The following PTPRD variants were observed in gnomAD, a reference collection of about 807,000 sequenced individuals.
PTPRD encodes the protein receptor-type tyrosine-protein phosphatase delta.
PTPRD carries 34 observed loss-of-function variants against 214.5 expected under a neutral mutation model. That is an observed-to-expected ratio of 0.16 (90% CI 0.12 to 0.21). The LOEUF (loss-of-function observed/expected upper bound fraction) is 0.21. Among genes scored for constraint, PTPRD ranks in the 10% least tolerant of loss-of-function variants. The pLI is 1.00. For synonymous variants in PTPRD, 1,128 were observed against 845.7 expected (o/e 1.33, Z -5.79); for missense variants, 2,545 against 2,398.7 (o/e 1.06, Z -1.27).
chr9:9,272,008 G>A (rs1001090717), intron 9 of PTPRD, among the ~76,000 whole-genome samples: 1 of 151,160 alleles, frequency 6.6e-6, no homozygotes, highest in African/African-American at 2.4e-5. Flanking sequence ...GACAGAAGCA[G>A]GTTAGCATAG....
intron 4 of PTPRD, among the ~76,000 whole-genome samples, chr9:9,988,440 C>G (rs2154075741): frequency 6.6e-6 from 1 of 152,232 alleles, no homozygotes; most frequent in Middle Eastern, 3.4e-3. Flanking sequence ...GCAGCTCAAA[C>G]TGATTTCCTT....
intron 3 of PTPRD, among the ~76,000 whole-genome samples, chr9:10,182,693 T>C (rs1343008776): frequency 6.6e-6 from 1 of 152,122 alleles, no homozygotes; most frequent in East Asian, 1.9e-4. Flanking sequence ...TAAACAGTAG[T>C]TTGGCAAAAA....
intron 21 of PTPRD, among the ~76,000 whole-genome samples, chr9:8,507,711 A>C (rs1404588026): frequency 6.6e-6 from 1 of 152,192 alleles, no homozygotes; most frequent in Non-Finnish European, 1.5e-5. Flanking sequence ...TTAAGGAAAA[A>C]ATTCTTTACT....
chr9:9,167,397 A>C (rs187720483), intron 10 of PTPRD, among the ~76,000 whole-genome samples: 1 of 151,788 alleles, frequency 6.6e-6, no homozygotes, highest in Admixed American at 6.6e-5. Flanking sequence ...AATAAGCAGC[A>C]CAGCCAACTT....
intron 5 of PTPRD, among the ~76,000 whole-genome samples, chr9:9,912,255 C>T (rs970172966): frequency 2.0e-5 from 3 of 151,958 alleles, no homozygotes; most frequent in African/African-American, 7.2e-5. Context: ...GAAAACCTGC[C>T]ACTTCAGTTG....
chr9:9,792,381 C>A (rs2153476042), intron 5 of PTPRD, among the ~76,000 whole-genome samples: 1 of 152,256 alleles, frequency 6.6e-6, no homozygotes, highest in African/African-American at 2.4e-5. Flanking sequence ...GCGAGAGTTT[C>A]ATCTATCTTT....
intron 11 of PTPRD, among the ~76,000 whole-genome samples, chr9:8,815,107 A>AT (rs2096893754): frequency 6.5e-5 from 9 of 139,006 alleles, no homozygotes; most frequent in Admixed American, 3.4e-4. Context: ...TATATAATTT[A>AT]GTTTTTTTTT....
At chr9:10,241,945 T>C (rs371153428) in intron 3 of PTPRD, among the ~76,000 whole-genome samples, 2 of 151,960 alleles carry the variant, frequency 1.3e-5, no homozygotes, top group African/African-American at 4.8e-5. Flanking sequence ...ACCAAAGCTA[T>C]ATTTCTTATT....
chr9:9,288,228 T>C (rs1339743236), intron 9 of PTPRD, among the ~76,000 whole-genome samples: 10 of 151,894 alleles, frequency 6.6e-5, no homozygotes, highest in Non-Finnish European at 1.5e-4. Flanking sequence ...AATTTTGTTG[T>C]CGGAGGTGAT....
At chr9:9,762,145 T>C (rs938099253) in intron 6 of PTPRD, among the ~76,000 whole-genome samples, 5 of 152,214 alleles carry the variant, frequency 3.3e-5, no homozygotes, top group African/African-American at 1.2e-4. Context: ...ACAGAGGTTG[T>C]CTGACCTGTT....
intron 3 of PTPRD, among the ~76,000 whole-genome samples, chr9:10,205,929 TG>T (rs577133306): frequency 2.7e-4 from 41 of 151,984 alleles, no homozygotes; most frequent in Non-Finnish European, 3.4e-4. Flanking sequence ...TCTTAAGCAC[TG>T]GGAAAGCAAA....
intron 2 of PTPRD, among the ~76,000 whole-genome samples, chr9:10,416,761 T>C (rs555107742): frequency 6.6e-6 from 1 of 151,934 alleles, no homozygotes; most frequent in East Asian, 2.0e-4. Flanking sequence ...AAGATATTTA[T>C]AAGTTTGGGG....
intron 9 of PTPRD, among the ~76,000 whole-genome samples, chr9:9,234,445 T>C (rs2099965254): frequency 6.6e-6 from 1 of 152,192 alleles, no homozygotes; most frequent in African/African-American, 2.4e-5. Flanking sequence ...CTGGAGACAT[T>C]TTCCCCATTG....
chr9:9,719,756 T>A (rs981386173), intron 7 of PTPRD, among the ~76,000 whole-genome samples: 1 of 152,296 alleles, frequency 6.6e-6, no homozygotes, highest in South Asian at 2.1e-4. Flanking sequence ...GGTAACACCC[T>A]CTTTGGGGTT....
intron 5 of PTPRD, among the ~76,000 whole-genome samples, chr9:9,886,586 C>T (rs1205661822): frequency 6.6e-6 from 1 of 152,078 alleles, no homozygotes; most frequent in Non-Finnish European, 1.5e-5. Flanking sequence ...AGAAATTCTA[C>T]AATGTGATCT....
chr9:9,961,205 C>A (rs893434320), intron 4 of PTPRD, among the ~76,000 whole-genome samples: 3 of 151,868 alleles, frequency 2.0e-5, no homozygotes, highest in African/African-American at 7.2e-5. Context: ...CAGATACATA[C>A]TCTTTCCTTT....
chr9:9,138,771 A>G (rs1423190496), intron 10 of PTPRD, among the ~76,000 whole-genome samples: 6 of 152,182 alleles, frequency 3.9e-5, no homozygotes, highest in Admixed American at 3.3e-4. Flanking sequence ...TTTATCTAGA[A>G]TAATGTTTGG....
At chr9:9,857,962 G>T (rs1218539163) in intron 5 of PTPRD, among the ~76,000 whole-genome samples, 1 of 152,172 alleles carries the variant, frequency 6.6e-6, no homozygotes, top group African/African-American at 2.4e-5. Flanking sequence ...AATTTTAAGT[G>T]AGTGAAAAGT....
At chr9:9,282,877 T>C (rs1948196566) in intron 9 of PTPRD, among the ~76,000 whole-genome samples, 1 of 151,454 alleles carries the variant, frequency 6.6e-6, no homozygotes, top group Non-Finnish European at 1.5e-5. Flanking sequence ...TAGGAGCACA[T>C]TATAAGTTGT....
Sources: gnomAD v4.1 joint callset for allele counts (sites outside exome capture counted in the v4.1 genomes callset) on GRCh38, gnomAD v4.1.1 for gene constraint, MANE v1.5 for transcripts, NCBI Gene and HGNC (gene_info 2026-07-23, HGNC 2026-07-21) for gene names.